Variants in IFT80 observed in about 807,000 individuals in gnomAD.
IFT80 encodes intraflagellar transport protein 80 homolog.
Under a neutral mutation model 107.9 loss-of-function variants are expected in IFT80, and 79 were observed. The ratio of observed to expected loss-of-function variants is 0.73; its 90% CI spans 0.61 to 0.88. IFT80 has a LOEUF of 0.88. Among genes scored for constraint, IFT80 ranks in the 40% least tolerant of loss-of-function variants. The pLI is 0.00. For missense variants in IFT80, 797 were observed against 914.2 expected (o/e 0.87, Z 1.65); for synonymous variants, 299 against 300.9 (o/e 0.99, Z 0.07).
intron 5 of IFT80, among the ~76,000 whole-genome samples, chr3:160,369,191 A>C (rs1334563576): frequency 6.6e-6 from 1 of 152,036 alleles, no homozygotes; most frequent in African/African-American, 2.4e-5. Flanking sequence ...TAACTTATAT[A>C]ATAAAAGAAA....
intron 1 of IFT80, among the ~76,000 whole-genome samples, chr3:160,392,975 A>G (rs906576866): frequency 4.6e-4 from 70 of 152,316 alleles, no homozygotes; most frequent in Admixed American, 3.5e-3. Flanking sequence ...GGAAGGCTGA[A>G]GCAGGAGGAC....
At chr3:160,390,620 G>A (rs1713312006) in intron 1 of IFT80, among the ~76,000 whole-genome samples, 1 of 152,224 alleles carries the variant, frequency 6.6e-6, no homozygotes, top group Middle Eastern at 3.4e-3. Flanking sequence ...GAAACAGCTG[G>A]CTATCCTGCA....
chr3:160,325,675 T>C (rs1238301457), intron 8 of IFT80, among the ~76,000 whole-genome samples: 4 of 152,106 alleles, frequency 2.6e-5, no homozygotes, highest in Non-Finnish European at 5.9e-5. Flanking sequence ...TAAAAAGATA[T>C]CTTGAGAATG....
Position 160,258,615 on chromosome 3 carries a change from T to A in IFT80, c.2244A>T (p.Lys748Asn), listed in dbSNP as rs769905264. The A allele has an allele frequency of 6.2e-6, 10 of 1,612,342 alleles. No individual in the cohort carries two copies. The highest frequency in any genetic ancestry group is 8.5e-6 in the Non-Finnish European group (10 of 1,179,882). The change falls in exon 20 of 20, where the codon AAA (lysine) becomes AAT (asparagine). Residue 748 changes from lysine (K) to asparagine (N), a missense_variant. Coordinates refer to ENST00000326448, the MANE Select transcript of IFT80 (RefSeq NM_020800.3). ...YAEGLQIDWE[K>N]IKAKIEMEIT... ...TTTCCATCTCAATTTTGGCTTTGAT[T>A]TTCTCCCAATCTATTTGGAGCTGCA...
intron 12 of IFT80, 93 bp downstream of exon 12, chr3:160,300,790 C>A: frequency 1.1e-6 from 1 of 947,470 alleles, no homozygotes; most frequent in South Asian, 1.6e-5. Context: ...AGCTGATGTA[C>A]TGGTAGATAA....
chr3:160,300,839 A>C (rs764632130), intron 12 of IFT80, 44 bp downstream of exon 12: 2 of 1,497,264 alleles, frequency 1.3e-6, no homozygotes, highest in Non-Finnish European at 1.8e-6. Context: ...TATAGTGTTA[A>C]CAAATTTCAT....
intron 8 of IFT80, among the ~76,000 whole-genome samples, chr3:160,347,056 A>T (rs1720342186): frequency 6.6e-6 from 1 of 152,124 alleles, no homozygotes; most frequent in Non-Finnish European, 1.5e-5. Flanking sequence ...TCAGGGAACT[A>T]TGAGAGGTCA....
intron 18 of IFT80, among the ~76,000 whole-genome samples, chr3:160,271,171 A>C (rs1713778087): frequency 6.6e-6 from 1 of 152,180 alleles, no homozygotes; most frequent in Admixed American, 6.5e-5. Flanking sequence ...CTAAAAGCAC[A>C]TACTGGGTAA....
chr3:160,343,323 T>C (rs1020366675), intron 8 of IFT80, among the ~76,000 whole-genome samples: 1 of 152,124 alleles, frequency 6.6e-6, no homozygotes, highest in Non-Finnish European at 1.5e-5. Context: ...AAAAAAGTTA[T>C]CTCTTACACA....
intron 12 of IFT80, among the ~76,000 whole-genome samples, chr3:160,299,889 A>G (rs977927396): frequency 2.6e-5 from 4 of 152,054 alleles, no homozygotes; most frequent in African/African-American, 9.7e-5. Context: ...CAGGATAAAA[A>G]CCTACGATAA....
chr3:160,334,318 T>A (rs1283357523), intron 8 of IFT80, among the ~76,000 whole-genome samples: 1 of 152,198 alleles, frequency 6.6e-6, no homozygotes, highest in Non-Finnish European at 1.5e-5. Flanking sequence ...AGATATGTTA[T>A]TAGTTGATAA....
chr3:160,309,927 T>C (rs138541283), intron 9 of IFT80, among the ~76,000 whole-genome samples: 1 of 152,164 alleles, frequency 6.6e-6, no homozygotes, highest in Admixed American at 6.5e-5. Flanking sequence ...TCTTAAAAAA[T>C]CAAGAGTAAA....
intron 8 of IFT80, among the ~76,000 whole-genome samples, chr3:160,322,041 T>A (rs1000184637): frequency 6.7e-6 from 1 of 149,174 alleles, no homozygotes; most frequent in Non-Finnish European, 1.5e-5. Context: ...TTTATTTATT[T>A]ATTATTATTA....
chr3:160,327,785 T>C (rs56150006), intron 8 of IFT80, among the ~76,000 whole-genome samples: 12,245 of 152,030 alleles, frequency 0.081, 667 homozygotes, highest in African/African-American at 0.14. Flanking sequence ...TAGGTACAGA[T>C]TTCAGGATGA....
At chr3:160,275,589 C>T (rs376334132) in intron 18 of IFT80, among the ~76,000 whole-genome samples, 2 of 152,002 alleles carry the variant, frequency 1.3e-5, no homozygotes, top group African/African-American at 2.4e-5. Context: ...TTAATGACAA[C>T]GAAATGGAAT....
At chr3:160,379,680 C>A (rs1204209966) in intron 3 of IFT80, among the ~76,000 whole-genome samples, 1 of 152,100 alleles carries the variant, frequency 6.6e-6, no homozygotes, top group African/African-American at 2.4e-5. Context: ...TTGTACAATT[C>A]TTAAAACTTT....
At chr3:160,295,321 T>C (rs1488312918) in intron 12 of IFT80, among the ~76,000 whole-genome samples, 4 of 152,272 alleles carry the variant, frequency 2.6e-5, no homozygotes, top group African/African-American at 9.6e-5. Flanking sequence ...AAAATTAGAA[T>C]AGGCTGGGCA....
At chr3:160,312,711 TAATATATATA>T (rs1717407331) in intron 9 of IFT80, among the ~76,000 whole-genome samples, 1 of 40,660 alleles carries the variant, frequency 2.5e-5, no homozygotes, top group African/African-American at 1.3e-4. Flanking sequence ...ATATAATATA[TAATATATATA>T]ATAAATATAT....
intron 1 of IFT80, among the ~76,000 whole-genome samples, chr3:160,389,691 C>T (rs62272206): frequency 0.045 from 6,776 of 149,272 alleles, 203 homozygotes; most frequent in Middle Eastern, 0.079. Context: ...TAGTATTCCA[C>T]GGTGTATATG....
Sources: allele counts gnomAD v4.1 joint callset (sites outside exome capture counted in the v4.1 genomes callset), GRCh38; gene constraint gnomAD v4.1.1; transcripts MANE v1.5; gene names NCBI Gene and HGNC (gene_info 2026-07-23, HGNC 2026-07-21).